NXPE2: variants seen among roughly 807,000 people sequenced by gnomAD.
The protein encoded by NXPE2 is neurexophilin and PC-esterase domain family member 2, also known as NXPE family member 2.
Under a neutral mutation model 34.4 loss-of-function variants are expected in NXPE2, and 34 were observed. That is an observed-to-expected ratio of 0.99 (90% CI 0.75 to 1.31). The LOEUF is 1.31. NXPE2 is among the 40% of genes most tolerant of loss of function. The probability of loss-of-function intolerance (pLI) is 0.00; values close to 1 mark genes in which losing one functional copy is unlikely to be tolerated. For missense variants in NXPE2, 649 were observed against 672.5 expected (o/e 0.97, Z 0.39); for synonymous variants, 235 against 231.3 (o/e 1.02, Z -0.15).
At chr11:114,729,670 T>A in the NXPE2 span, among the ~76,000 whole-genome samples, 5 of 152,132 alleles carry the variant, frequency 3.3e-5, no homozygotes, top group African/African-American at 1.2e-4. Flanking sequence ...ATGTTGGGCA[T>A]TTTTTCACAT....
chr11:114,550,255 A>T, the NXPE2 span, among the ~76,000 whole-genome samples: 123 of 152,316 alleles, frequency 8.1e-4, no homozygotes, highest in African/African-American at 3.0e-3. Context: ...GAATAGTTAC[A>T]AAACGTATGG....
chr11:114,601,916 A>T, the NXPE2 span, among the ~76,000 whole-genome samples: 1 of 32,842 alleles, frequency 3.0e-5, no homozygotes, highest in African/African-American at 8.2e-5. Flanking sequence ...TTATATAATT[A>T]TATATAATAT....
At chr11:114,545,496 A>C in the NXPE2 span, among the ~76,000 whole-genome samples, 2 of 152,334 alleles carry the variant, frequency 1.3e-5, no homozygotes, top group South Asian at 4.1e-4. Context: ...CTGCATTACT[A>C]TGACATTCTG....
chr11:114,560,858 A>G, the NXPE2 span, among the ~76,000 whole-genome samples: 1 of 152,180 alleles, frequency 6.6e-6, no homozygotes, highest in South Asian at 2.1e-4. Flanking sequence ...AGAATGTCAC[A>G]TAGCTGCAAT....
At chr11:114,670,084 G>A in the NXPE2 span, among the ~76,000 whole-genome samples, 1 of 151,970 alleles carries the variant, frequency 6.6e-6, no homozygotes, top group Non-Finnish European at 1.5e-5. Context: ...TCAAAGACTG[G>A]TCTCAAAAAC....
At chr11:114,466,456 G>T in the NXPE2 span, among the ~76,000 whole-genome samples, 1 of 152,086 alleles carries the variant, frequency 6.6e-6, no homozygotes, top group Non-Finnish European at 1.5e-5. Context: ...TTGTCCCCTG[G>T]TGAGCAGCAC....
the NXPE2 span, among the ~76,000 whole-genome samples, chr11:114,746,902 C>T: frequency 8.4e-3 from 1,250 of 149,080 alleles, 12 homozygotes; most frequent in Middle Eastern, 0.014. Context: ...AAAAAAAACC[C>T]CACAAAGAAC....
chr11:114,592,443 A>G, the NXPE2 span, among the ~76,000 whole-genome samples: 24 of 152,106 alleles, frequency 1.6e-4, no homozygotes, highest in Non-Finnish European at 7.4e-5. Flanking sequence ...AAACCCTAGG[A>G]ATAAATTGAT....
the NXPE2 span, among the ~76,000 whole-genome samples, chr11:114,520,330 T>G: frequency 6.6e-6 from 1 of 152,340 alleles, no homozygotes; most frequent in East Asian, 1.9e-4. Context: ...AAGTTCCATA[T>G]ATAAGTGAGA....
At chr11:114,578,168 A>G in the NXPE2 span, among the ~76,000 whole-genome samples, 2 of 152,198 alleles carry the variant, frequency 1.3e-5, no homozygotes, top group Non-Finnish European at 2.9e-5. Flanking sequence ...GCAAAGGGCT[A>G]CATTTGAAGA....
chr11:114,665,316 G>A, the NXPE2 span, among the ~76,000 whole-genome samples: 1 of 152,112 alleles, frequency 6.6e-6, no homozygotes, highest in Non-Finnish European at 1.5e-5. Flanking sequence ...TAATTAGAAT[G>A]TCGTGGTTAT....
the NXPE2 span, among the ~76,000 whole-genome samples, chr11:114,782,842 A>T: frequency 2.0e-5 from 3 of 152,222 alleles, no homozygotes; most frequent in Admixed American, 2.0e-4. Flanking sequence ...GCCGCCAGCC[A>T]TAGGAGATAC....
chr11:114,489,804 C>T, the NXPE2 span, among the ~76,000 whole-genome samples: 2 of 151,936 alleles, frequency 1.3e-5, no homozygotes, highest in Non-Finnish European at 2.9e-5. Context: ...GCACAAGACA[C>T]GGATGCCCTC....
At chr11:114,720,485 A>T in the NXPE2 span, among the ~76,000 whole-genome samples, 1 of 152,226 alleles carries the variant, frequency 6.6e-6, no homozygotes, top group African/African-American at 2.4e-5. Flanking sequence ...GTTCAGGTTC[A>T]TACCTTAGAA....
the NXPE2 span, among the ~76,000 whole-genome samples, chr11:114,570,387 T>C: frequency 2.6e-5 from 4 of 152,164 alleles, no homozygotes; most frequent in Non-Finnish European, 4.4e-5. Flanking sequence ...CCTATAAACC[T>C]GGATGAAAAA....
chr11:114,678,672 G>A, intron 1 of NXPE2, 71 bp downstream of exon 1: 1 of 1,252,902 alleles, frequency 8.0e-7, no homozygotes, highest in East Asian at 2.5e-5. Context: ...AGACCATTTG[G>A]TGTTTTTCAA....
the NXPE2 span, among the ~76,000 whole-genome samples, chr11:114,489,454 T>C: frequency 2.0e-5 from 3 of 152,280 alleles, no homozygotes; most frequent in African/African-American, 7.2e-5. Context: ...TGCAAAAATC[T>C]TCAATAAAAT....
chr11:114,475,144 A>G, the NXPE2 span, among the ~76,000 whole-genome samples: 1 of 143,708 alleles, frequency 7.0e-6, no homozygotes, highest in Non-Finnish European at 1.5e-5. Context: ...CATCATTTCT[A>G]CGTTTGGGTC....
chr11:114,648,698 T>C, the NXPE2 span, among the ~76,000 whole-genome samples: 4 of 152,160 alleles, frequency 2.6e-5, no homozygotes, highest in African/African-American at 9.7e-5. Flanking sequence ...AATGACAAGG[T>C]TGTAATTCCA....
Sources: gnomAD v4.1 joint callset for allele counts (sites outside exome capture counted in the v4.1 genomes callset) on GRCh38, gnomAD v4.1.1 for gene constraint, MANE v1.5 for transcripts, NCBI Gene and HGNC (gene_info 2026-07-23, HGNC 2026-07-21) for gene names.